CACNG5: variants seen among roughly 807,000 people sequenced by gnomAD.
CACNG5 encodes calcium voltage-gated channel auxiliary subunit gamma 5, also known as voltage-dependent calcium channel gamma-5 subunit.
Under a neutral mutation model 24.8 loss-of-function variants are expected in CACNG5, and 18 were observed. The ratio of observed to expected loss-of-function variants is 0.73; its 90% confidence interval spans 0.50 to 1.08. The LOEUF is 1.08. CACNG5 is among the 50% of genes least tolerant of loss of function. The pLI is 0.00. For synonymous variants in CACNG5, 157 were observed against 149.1 expected (o/e 1.05, Z -0.39); for missense variants, 349 against 367.9 (o/e 0.95, Z 0.42).
At chr17:66,869,803 G>A (rs536142308) in intron 1 of CACNG5, among the ~76,000 whole-genome samples, 1 of 152,298 alleles carries the variant, frequency 6.6e-6, no homozygotes, top group South Asian at 2.1e-4. Context: ...ATGGTATAAG[G>A]CTGGGGGCGG....
At chr17:66,875,391 T>G (rs1287385956) in intron 1 of CACNG5, among the ~76,000 whole-genome samples, 1 of 152,160 alleles carries the variant, frequency 6.6e-6, no homozygotes, top group Non-Finnish European at 1.5e-5. Flanking sequence ...CTTGCAAACA[T>G]GGACATAGAC....
At chr17:66,878,659 C>T (rs1207168206) in intron 2 of CACNG5, among the ~76,000 whole-genome samples, 1 of 152,216 alleles carries the variant, frequency 6.6e-6, no homozygotes, top group East Asian at 1.9e-4. Flanking sequence ...TGGCCAAACG[C>T]AGTGAGATGG....
At position 66,891,259 on chromosome 17, in the gene CACNG5, AG is replaced by A. The variant is rs1164842323; in HGVS notation, c.*6023del. Among the ~76,000 whole-genome samples the A allele has an allele frequency of 6.6e-6, 1 of 152,196 alleles. No individual in the cohort carries two copies. The highest frequency in any genetic ancestry group is 6.5e-5 in the Admixed American group (1 of 15,284). ...CCCATTCCTAAACCACAATCTGGCA[AG>A]GGGAACAGGGTGGCCATGTGCTCCA... On this transcript the variant is annotated 3_prime_UTR_variant, in exon 6 of 6. Coordinates refer to ENST00000533854, the MANE Select transcript of CACNG5 (RefSeq NM_145811.3).
intron 1 of CACNG5, among the ~76,000 whole-genome samples, chr17:66,858,062 T>C (rs938572543): frequency 3.3e-5 from 5 of 152,142 alleles, no homozygotes; most frequent in Non-Finnish European, 5.9e-5. Context: ...TCCTCTCAGT[T>C]CCTTACCTGA....
intron 1 of CACNG5, among the ~76,000 whole-genome samples, chr17:66,853,185 A>T (rs1333892664): frequency 6.6e-6 from 1 of 152,188 alleles, no homozygotes; most frequent in Admixed American, 6.5e-5. Flanking sequence ...AGTTGTATAC[A>T]TGAGTAGTTT....
At position 66,879,541 on chromosome 17, in the gene CACNG5, A is replaced by T. The variant is rs117754380; in HGVS notation, c.283+483A>T. Among the ~76,000 whole-genome samples the T allele has an allele frequency of 5.6e-3, 847 of 152,246 alleles. 54 individuals are homozygous for T. The East Asian group carries it at 0.12, about 21-fold the overall frequency. Reference sequence around the variant, plus strand: ...CAAATATGGGAGCTCCCATAACTCCATCAGGTTCAATAATTGCAAAAATGA... The same window carrying T: ...CAAATATGGGAGCTCCCATAACTCCTTCAGGTTCAATAATTGCAAAAATGA... On this transcript the variant is annotated intron_variant, in intron 3 of 5. Transcript: ENST00000533854.
rs1977282955 is a variant in CACNG5, at chr17:66,887,765, G to C, written c.*2525G>C. Among the ~76,000 whole-genome samples the C allele has an allele frequency of 6.6e-6, 1 of 152,136 alleles. No individual in the cohort carries two copies. The highest frequency in any genetic ancestry group is 1.5e-5 in the Non-Finnish European group (1 of 68,026). The stretch of plus-strand genomic sequence containing the variant: ...TCTTCACTGGCCCTGATGCTGAGCT[G>C]CTAAATGAAGGAGCCCTTAGCCTGG... On this transcript the variant is annotated 3_prime_UTR_variant, in exon 6 of 6. Transcript: ENST00000533854.
intron 1 of CACNG5, among the ~76,000 whole-genome samples, chr17:66,861,361 G>T (rs1438819814): frequency 6.6e-6 from 1 of 152,232 alleles, no homozygotes; most frequent in Non-Finnish European, 1.5e-5. Flanking sequence ...TTTTAAGCTT[G>T]TTACATGTGT....
intron 4 of CACNG5, among the ~76,000 whole-genome samples, chr17:66,883,297 C>T (rs1977191308): frequency 6.6e-6 from 1 of 152,082 alleles, no homozygotes; most frequent in African/African-American, 2.4e-5. Context: ...CAGTGGGCTA[C>T]CAGATCAGAA....
At chr17:66,884,473 G>A in intron 4 of CACNG5, 43 bp from the exon 5 acceptor site, 1 of 1,552,954 alleles carries the variant, frequency 6.4e-7, no homozygotes, top group Non-Finnish European at 8.7e-7. Flanking sequence ...AAACTTCCTG[G>A]GCCTCTGGGC....
chr17:66,857,994 T>C (rs529262877), intron 1 of CACNG5, among the ~76,000 whole-genome samples: 195 of 152,294 alleles, frequency 1.3e-3, no homozygotes, highest in Non-Finnish European at 2.0e-3. Context: ...TTGGGTTCTA[T>C]CCAATCCTGT....
intron 1 of CACNG5, among the ~76,000 whole-genome samples, chr17:66,843,926 G>A (rs1976601060): frequency 6.7e-6 from 1 of 149,920 alleles, no homozygotes; most frequent in Non-Finnish European, 1.5e-5. Flanking sequence ...TTGGCATGGG[G>A]GACGCAGCTG....
chr17:66,841,464 A>G (rs1976567202), intron 1 of CACNG5, among the ~76,000 whole-genome samples: 1 of 152,144 alleles, frequency 6.6e-6, no homozygotes, highest in Non-Finnish European at 1.5e-5. Context: ...TCAAACGCCC[A>G]CTGCTGGAAT....
At chr17:66,856,544 C>G (rs749375732) in intron 1 of CACNG5, among the ~76,000 whole-genome samples, 12 of 90,322 alleles carry the variant, frequency 1.3e-4, no homozygotes. Flanking sequence ...TGCCCCCCCG[C>G]CTTTTTTTTT....
intron 1 of CACNG5, among the ~76,000 whole-genome samples, chr17:66,870,222 C>T (rs1009907558): frequency 1.3e-5 from 2 of 152,134 alleles, no homozygotes; most frequent in African/African-American, 4.8e-5. Context: ...CATGCAGGTG[C>T]AGTCAGATGT....
Position 66,885,192 on chromosome 17 carries a change from C to T in CACNG5, c.780C>T (p.Ala260=). The T allele has an allele frequency of 1.9e-6, 3 of 1,608,016 alleles. No homozygotes were observed. Among genetic ancestry groups the T allele is most frequent in the Non-Finnish European group, 1.7e-6 (2 of 1,179,376 alleles). Residue 260 remains alanine (A), a synonymous_variant, in exon 6 of 6, where the codon GCC becomes GCT. Transcript: ENST00000533854. ...ASLQMNSNYP[A]LLKCPDYDQM... ...TGCAGATGAACAGCAACTACCCCGCCTTGCTCAAGTGCCCCGACTATGATC... is the reference window on the plus strand; with the variant it reads ...TGCAGATGAACAGCAACTACCCCGCTTTGCTCAAGTGCCCCGACTATGATC...
chr17:66,848,652 T>A (rs1333629359), intron 1 of CACNG5, among the ~76,000 whole-genome samples: 1 of 152,208 alleles, frequency 6.6e-6, no homozygotes, highest in Non-Finnish European at 1.5e-5. Flanking sequence ...AATTTTACCT[T>A]GGCAGGGGAG....
chr17:66,871,523 T>G (rs1977006217), intron 1 of CACNG5, among the ~76,000 whole-genome samples: 1 of 152,164 alleles, frequency 6.6e-6, no homozygotes, highest in East Asian at 1.9e-4. Context: ...GTCCTTTTAT[T>G]ATTGGCTTGA....
chr17:66,880,766 G>C (rs1977148341), intron 4 of CACNG5, 69 bp downstream of exon 4: 2 of 1,575,586 alleles, frequency 1.3e-6, no homozygotes, highest in Non-Finnish European at 1.7e-6. Flanking sequence ...TTTTGAGACA[G>C]AGTCTTGCTC....
Sources: gnomAD v4.1 joint callset for allele counts (sites outside exome capture counted in the v4.1 genomes callset) on GRCh38, gnomAD v4.1.1 for gene constraint, MANE v1.5 for transcripts, NCBI Gene and HGNC (gene_info 2026-07-23, HGNC 2026-07-21) for gene names.